The following PTPRD variants were observed in gnomAD, a reference collection of about 807,000 sequenced individuals.
PTPRD encodes receptor-type tyrosine-protein phosphatase delta.
PTPRD carries 34 observed loss-of-function variants against 214.5 expected under a neutral mutation model. That is an observed-to-expected ratio of 0.16 (90% CI 0.12 to 0.21). PTPRD has a LOEUF of 0.21. PTPRD is among the 10% of genes least tolerant of loss of function. PTPRD has a pLI of 1.00. For missense variants in PTPRD, 2,545 were observed against 2,398.7 expected, an observed-to-expected ratio of 1.06 and a Z score of -1.27; for synonymous variants, 1,128 against 845.7, an observed-to-expected ratio of 1.33 and a Z score of -5.79.
At chr9:10,300,479 C>T (rs2095827861) in intron 3 of PTPRD, among the ~76,000 whole-genome samples, 1 of 152,226 alleles carries the variant, frequency 6.6e-6, no homozygotes, top group African/African-American at 2.4e-5. Context: ...TGGGTCCCCC[C>T]TCCACCACCC....
intron 2 of PTPRD, among the ~76,000 whole-genome samples, chr9:10,430,758 T>G: frequency 6.6e-6 from 1 of 151,932 alleles, no homozygotes; most frequent in East Asian, 1.9e-4. Flanking sequence ...AAAAGATTGT[T>G]ATGTTTTAGT....
At chr9:10,219,351 T>C (rs183028856) in intron 3 of PTPRD, among the ~76,000 whole-genome samples, 33 of 152,026 alleles carry the variant, frequency 2.2e-4, no homozygotes, top group African/African-American at 7.7e-4. Flanking sequence ...GCTCCACACC[T>C]GCTCTTACAG....
chr9:8,728,074 C>A (rs540143290), intron 12 of PTPRD, among the ~76,000 whole-genome samples: 1 of 152,054 alleles, frequency 6.6e-6, no homozygotes, highest in African/African-American at 2.4e-5. Context: ...ATGGAGAAAC[C>A]CTGTCTCTAC....
chr9:8,962,561 A>G (rs2154320098), intron 11 of PTPRD, among the ~76,000 whole-genome samples: 1 of 152,164 alleles, frequency 6.6e-6, no homozygotes, highest in East Asian at 1.9e-4. Context: ...AGAGAGCGAG[A>G]GCACTCTTAG....
chr9:8,614,140 T>C (rs2095537121), intron 14 of PTPRD, among the ~76,000 whole-genome samples: 1 of 152,198 alleles, frequency 6.6e-6, no homozygotes, highest in African/African-American at 2.4e-5. Flanking sequence ...ATTTAAGATA[T>C]GCTTCCAGGA....
intron 9 of PTPRD, among the ~76,000 whole-genome samples, chr9:9,357,960 AAG>A (rs1000809099): frequency 5.3e-5 from 8 of 151,258 alleles, no homozygotes; most frequent in African/African-American, 1.9e-4. Context: ...GCACTTTCCA[AAG>A]AGAGAAACTA....
chr9:10,040,526 G>T (rs1406827228), intron 3 of PTPRD, among the ~76,000 whole-genome samples: 1 of 151,962 alleles, frequency 6.6e-6, no homozygotes, highest in Non-Finnish European at 1.5e-5. Context: ...ATAACCATTA[G>T]TGATCCTCTC....
At chr9:9,001,009 C>A (rs990690501) in intron 11 of PTPRD, among the ~76,000 whole-genome samples, 12 of 151,950 alleles carry the variant, frequency 7.9e-5, no homozygotes, top group Non-Finnish European at 1.3e-4. Context: ...ATCGAACAGC[C>A]ATGATTATCC....
chr9:9,283,798 T>C (rs1948543166), intron 9 of PTPRD, among the ~76,000 whole-genome samples: 1 of 151,706 alleles, frequency 6.6e-6, no homozygotes, highest in Non-Finnish European at 1.5e-5. Flanking sequence ...ATGTGCTAGA[T>C]GTATATTGAC....
At chr9:9,898,576 T>C (rs533240138) in intron 5 of PTPRD, among the ~76,000 whole-genome samples, 1 of 152,212 alleles carries the variant, frequency 6.6e-6, no homozygotes, top group African/African-American at 2.4e-5. Flanking sequence ...AAGGAATCCT[T>C]AGAGGTTAGA....
rs537881248 is a variant in PTPRD at position 10,512,691 on chromosome 9, G to C, written c.-600+99707C>G. Among the ~76,000 whole-genome samples, 27 of 152,182 alleles carry C rather than the reference G, an allele frequency of 1.8e-4. No homozygotes were observed. In the South Asian group the frequency reaches 3.1e-3, roughly 18 times the overall value. ...AAGGAGGAAATGGAAGAAAGGTTGT[G>C]GGTGGAGAGTACAGGACTTTGGTGA... On this transcript the variant is annotated intron_variant, in intron 2 of 45. Coordinates refer to ENST00000381196, the MANE Select transcript of PTPRD (RefSeq NM_002839.4).
chr9:9,758,473 C>G (rs904023802), intron 6 of PTPRD, among the ~76,000 whole-genome samples: 2 of 152,060 alleles, frequency 1.3e-5, no homozygotes, highest in East Asian at 1.9e-4. Flanking sequence ...TAGAAGTGCC[C>G]TCAAGAAGTA....
At chr9:8,938,759 C>G (rs989958854) in intron 11 of PTPRD, among the ~76,000 whole-genome samples, 2 of 152,098 alleles carry the variant, frequency 1.3e-5, no homozygotes, top group Admixed American at 6.6e-5. Context: ...TAACCTTTCC[C>G]CAAGACACTG....
chr9:8,374,781 GAA>G (rs1333966121), intron 39 of PTPRD, among the ~76,000 whole-genome samples: 1 of 151,878 alleles, frequency 6.6e-6, no homozygotes, highest in Non-Finnish European at 1.5e-5. Context: ...ACATTTGCTG[GAA>G]AAGAGAAACT....
intron 11 of PTPRD, among the ~76,000 whole-genome samples, chr9:8,796,236 A>C (rs1399336117): frequency 1.3e-5 from 2 of 152,182 alleles, no homozygotes; most frequent in East Asian, 1.9e-4. Flanking sequence ...TTAATTGCCA[A>C]GTTTTAAGTA....
At chr9:8,522,091 T>C (rs2097902915) in intron 19 of PTPRD, among the ~76,000 whole-genome samples, 1 of 152,184 alleles carries the variant, frequency 6.6e-6, no homozygotes, top group Non-Finnish European at 1.5e-5. Flanking sequence ...AGATTCATAG[T>C]GGATGCAGCC....
chr9:10,085,356 G>C (rs562742870), intron 3 of PTPRD, among the ~76,000 whole-genome samples: 8 of 151,714 alleles, frequency 5.3e-5, no homozygotes, highest in African/African-American at 1.9e-4. Context: ...AAATAATTTT[G>C]AATATAAGAG....
intron 10 of PTPRD, among the ~76,000 whole-genome samples, chr9:9,020,317 T>A (rs1489165437): frequency 2.0e-5 from 3 of 152,182 alleles, no homozygotes; most frequent in South Asian, 2.1e-4. Flanking sequence ...TTGGTACTCT[T>A]GCGATTTTTG....
rs1355510301 is a variant in PTPRD, at chr9:9,389,236, C to T, written c.-203+8213G>A. On this transcript the variant is annotated intron_variant, in intron 9 of 45. Coordinates refer to ENST00000381196, the MANE Select transcript of PTPRD (RefSeq NM_002839.4). ...TCAAAAATAGTAAAACGCAGCTGGG[C>T]GCAGTGGCTCACGCCTGTAATTCCA... 3.9e-5 allele frequency among the ~76,000 whole-genome samples: 6 copies of T among 152,246 alleles called. No homozygotes were observed. The East Asian group carries it at 7.7e-4, about 20-fold the overall frequency.
Sources: gnomAD v4.1 joint callset for allele counts (sites outside exome capture counted in the v4.1 genomes callset) on GRCh38, gnomAD v4.1.1 for gene constraint, MANE v1.5 for transcripts, NCBI Gene and HGNC (gene_info 2026-07-23, HGNC 2026-07-21) for gene names.